SULT1C2: variants seen among roughly 807,000 people sequenced by gnomAD.
SULT1C2 encodes sulfotransferase 1C2.
Under a neutral mutation model 36.0 loss-of-function variants are expected in SULT1C2, and 27 were observed. That is an observed-to-expected ratio of 0.75 (90% CI 0.55 to 1.03). SULT1C2 has a LOEUF of 1.03. Among genes scored for constraint, SULT1C2 ranks in the 50% least tolerant of loss-of-function variants. The probability of loss-of-function intolerance (pLI) is 0.00; values close to 1 mark genes in which losing one functional copy is unlikely to be tolerated. For missense variants in SULT1C2, 395 were observed against 359.2 expected (o/e 1.10, Z -0.80); for synonymous variants, 121 against 116.0 (o/e 1.04, Z -0.27).
rs1318799113 is a variant in SULT1C2 at position 108,309,755 on chromosome 2, AAAAAAAAGG to A, written c.*1300_*1308del. ...AAATGCTTCTCCCTGAAAAAGAGAA[AAAAAAAAGG>A]AAAAAAAGAAAAGAAAAGTGAAAAG... On this transcript the variant is annotated 3_prime_UTR_variant, in exon 8 of 8. Coordinates refer to ENST00000251481, the MANE Select transcript of SULT1C2 (RefSeq NM_001056.4). 1.3e-5 allele frequency: 2 copies of A among 152,026 alleles called. No individual in the cohort carries two copies. The highest frequency in any genetic ancestry group is 4.8e-5 in the African/African-American group (2 of 41,366). 9.4% of individuals were successfully genotyped at this position (152,026 alleles called of 1,614,324 possible).
chr2:108,297,507 G>A (rs1422733693), intron 3 of SULT1C2, among the ~76,000 whole-genome samples: 1 of 152,140 alleles, frequency 6.6e-6, no homozygotes, highest in Non-Finnish European at 1.5e-5. Context: ...AACTGACGAA[G>A]GCCAAAAATG....
chr2:108,294,476 T>TTTCTCTCTCCCTCCCTCTCTCCTTC lies in SULT1C2; in HGVS notation c.277+122_277+123insTTCTCTCTCCCTCCCTCTCTCCTTC, dbSNP rs56030225. 5.1e-5 allele frequency: 46 copies of TTTCTCTCTCCCTCCCTCTCTCCTTC among 904,306 alleles called. 3 individuals carry two copies. The Admixed American group carries it at 1.1e-3, about 22-fold the overall frequency. 56.0% of individuals were successfully genotyped at this position (904,306 alleles called of 1,614,324 possible). A position where few individuals can be genotyped will look rare whatever the true frequency, so the allele number is the denominator to read the frequency against. On this transcript the variant is annotated intron_variant, in intron 3 of 7. Coordinates refer to ENST00000251481, the MANE Select transcript of SULT1C2 (RefSeq NM_001056.4). ...TCTCTCCCCCATCTCTCCTTCCTCTTCTCTTTCTCTCTCATTTTCACTGTC... is the reference window on the plus strand; with the variant it reads ...TCTCTCCCCCATCTCTCCTTCCTCTTTTCTCTCTCCCTCCCTCTCTCCTTCCTCTTTCTCTCTCATTTTCACTGTC...
intron 1 of SULT1C2, among the ~76,000 whole-genome samples, chr2:108,290,730 G>T (rs1213568256): frequency 2.0e-5 from 3 of 152,136 alleles, no homozygotes; most frequent in Non-Finnish European, 4.4e-5. Context: ...CCACCCTTAT[G>T]GCCCAAACAC....
At chr2:108,290,841 A>C (rs1270486125) in intron 1 of SULT1C2, among the ~76,000 whole-genome samples, 2 of 152,260 alleles carry the variant, frequency 1.3e-5, no homozygotes, top group Non-Finnish European at 2.9e-5. Context: ...AGCAGTATCC[A>C]AAAAGTGTTT....
chr2:108,291,362 A>G (rs1200588311), intron 1 of SULT1C2, among the ~76,000 whole-genome samples: 1 of 152,188 alleles, frequency 6.6e-6, no homozygotes, highest in Non-Finnish European at 1.5e-5. Context: ...ATAATACAGG[A>G]CATGCTCATT....
intron 7 of SULT1C2, among the ~76,000 whole-genome samples, chr2:108,307,038 T>C (rs985588567): frequency 9.9e-5 from 15 of 152,240 alleles, no homozygotes; most frequent in Non-Finnish European, 2.2e-4. Flanking sequence ...TACAGATTTT[T>C]TATTCACAAC....
Position 108,305,548 on chromosome 2 carries a change from T to C in SULT1C2, c.731T>C (p.Val244Ala). Residue 244 changes from valine (V) to alanine (A), a missense_variant, in exon 7 of 8, where the codon GTT (valine) becomes GCT (alanine). By Grantham distance (64) the Val-to-Ala change is moderately conservative (BLOSUM62 0). Transcript: ENST00000251481. The part of the protein sequence containing the change: ...KENPMTNRST[V>A]SKSILDQSIS... Reference sequence around the variant, plus strand: ...AATCCCATGACAAATCGTTCTACAGTTTCCAAATCTATCTTGGACCAGTCA... The same window carrying C: ...AATCCCATGACAAATCGTTCTACAGCTTCCAAATCTATCTTGGACCAGTCA... 6.2e-7 allele frequency: 1 copy of C among 1,614,184 alleles called. No homozygotes were observed. The highest frequency in any genetic ancestry group is 8.5e-7 in the Non-Finnish European group (1 of 1,180,020).
chr2:108,292,236 G>A (rs753639512), intron 1 of SULT1C2, among the ~76,000 whole-genome samples: 45 of 152,282 alleles, frequency 3.0e-4, no homozygotes, highest in South Asian at 6.2e-4. Context: ...TGACGTGTTC[G>A]ATAAATGTTA....
At chr2:108,301,026 C>A (rs764706515) in intron 4 of SULT1C2, 91 bp downstream of exon 4, 5 of 1,512,032 alleles carry the variant, frequency 3.3e-6, no homozygotes, top group Non-Finnish European at 4.5e-6. Context: ...TCGTGATCAC[C>A]TTTGCCTCTC....
chr2:108,307,505 GTTA>G (rs1677055087), intron 7 of SULT1C2, among the ~76,000 whole-genome samples: 3 of 152,158 alleles, frequency 2.0e-5, no homozygotes, highest in Non-Finnish European at 2.9e-5. Context: ...AGACACTATA[GTTA>G]TTATTGTTTT....
At chr2:108,296,467 T>TC (rs1445316999) in intron 3 of SULT1C2, among the ~76,000 whole-genome samples, 1 of 151,588 alleles carries the variant, frequency 6.6e-6, no homozygotes, top group East Asian at 1.9e-4. Flanking sequence ...TGGTTTTTTT[T>TC]TTGAGACAAA....
At chr2:108,303,489 T>A (rs957438691) in intron 4 of SULT1C2, 4 of 152,322 alleles carry the variant, frequency 2.6e-5, no homozygotes, top group African/African-American at 9.6e-5. Context: ...GGGCTTGGCC[T>A]AGTGGTCTGG....
chr2:108,308,790 A>G lies in SULT1C2; in HGVS notation c.*326A>G, dbSNP rs900933145. 1.4e-5 allele frequency: 3 copies of G among 220,562 alleles called. No homozygotes were observed. Among genetic ancestry groups the G allele is most frequent in the African/African-American group, 4.6e-5 (2 of 43,724 alleles). 13.7% of individuals were successfully genotyped at this position (220,562 alleles called of 1,614,324 possible). Reference sequence around the variant, plus strand: ...TCCTAGTCTCCCAGTCTATAACATCATAATACCTTGAGTATAAGTCCAAAT... The same window carrying G: ...TCCTAGTCTCCCAGTCTATAACATCGTAATACCTTGAGTATAAGTCCAAAT... On this transcript the variant is annotated 3_prime_UTR_variant, in exon 8 of 8. Transcript: ENST00000251481.
chr2:108,296,313 G>A (rs1676726519), intron 3 of SULT1C2, among the ~76,000 whole-genome samples: 1 of 152,214 alleles, frequency 6.6e-6, no homozygotes, highest in Non-Finnish European at 1.5e-5. Context: ...GGCCAGCTTG[G>A]CATGTCATAC....
In SULT1C2 at chr2:108,294,282, G is replaced by A. The variant is rs868011803; in HGVS notation, c.205G>A (p.Glu69Lys). The change falls in exon 3 of 8, where the codon GAG becomes AAG. Residue 69 changes from glutamate (E) to lysine (K), a missense_variant. By Grantham distance (56) the Glu-to-Lys change is moderately conservative (BLOSUM62 1). Transcript: ENST00000251481. The stretch of plus-strand genomic sequence containing the variant: ...TATGATTGAACAGAATGGGGACGTG[G>A]AGAAGTGCCAGCGAGCCATCATCCA... ...VDMIEQNGDV[E>K]KCQRAIIQHR... 2 of 1,614,082 alleles carry A rather than the reference G, an allele frequency of 1.2e-6. No homozygotes were observed. Among genetic ancestry groups the A allele is most frequent in the Non-Finnish European group, 1.7e-6 (2 of 1,179,962 alleles).
intron 1 of SULT1C2, among the ~76,000 whole-genome samples, chr2:108,289,617 G>A (rs1002581654): frequency 3.3e-5 from 5 of 152,198 alleles, no homozygotes; most frequent in African/African-American, 7.2e-5. Flanking sequence ...CTCCACAAAG[G>A]AGGCCATAGT....
At chr2:108,297,682 T>C (rs895360642) in intron 3 of SULT1C2, among the ~76,000 whole-genome samples, 19 of 152,180 alleles carry the variant, frequency 1.2e-4, no homozygotes, top group Middle Eastern at 3.4e-3. Flanking sequence ...TTCTGAATCA[T>C]TGATGAGAGA....
chr2:108,292,341 C>G (rs1676612757), intron 1 of SULT1C2, among the ~76,000 whole-genome samples: 1 of 151,308 alleles, frequency 6.6e-6, no homozygotes, highest in Admixed American at 6.6e-5. Context: ...TTTACATCTT[C>G]TGCTTTCTCC....
At chr2:108,296,454 GTTT>G (rs1205400411) in intron 3 of SULT1C2, among the ~76,000 whole-genome samples, 2 of 82,028 alleles carry the variant, frequency 2.4e-5, no homozygotes, top group African/African-American at 1.4e-4. Context: ...GTGGTCGTTT[GTTT>G]GGTTTTTTTT....
Sources: allele counts gnomAD v4.1 joint callset (sites outside exome capture counted in the v4.1 genomes callset), GRCh38; gene constraint gnomAD v4.1.1; transcripts MANE v1.5; gene names NCBI Gene and HGNC (gene_info 2026-07-23, HGNC 2026-07-21).